AKAP19: variants seen among roughly 807,000 people sequenced by gnomAD.
The protein encoded by AKAP19 is A-kinase anchoring protein 19.
chr2:190,024,380 G>GTATATA, the AKAP19 span, among the ~76,000 whole-genome samples: 20 of 146,068 alleles, frequency 1.4e-4, no homozygotes, highest in Non-Finnish European at 2.4e-4. Context: ...ATATGTGTGT[G>GTATATA]TATATATATA....
At chr2:190,065,306 T>C in the AKAP19 span, among the ~76,000 whole-genome samples, 1 of 151,926 alleles carries the variant, frequency 6.6e-6, no homozygotes, top group Admixed American at 6.6e-5. Context: ...CACTGAGGGG[T>C]AGTTACTGTG....
At chr2:190,096,555 G>A in the AKAP19 span, among the ~76,000 whole-genome samples, 14 of 152,212 alleles carry the variant, frequency 9.2e-5, no homozygotes, top group Non-Finnish European at 2.1e-4. Context: ...GGCCTGGAGA[G>A]CATGGTGCTG....
At chr2:189,886,542 T>G in the AKAP19 span, among the ~76,000 whole-genome samples, 1 of 152,218 alleles carries the variant, frequency 6.6e-6, no homozygotes, top group African/African-American at 2.4e-5. Flanking sequence ...ATTTTGGTCT[T>G]AAGTGAGAAA....
the AKAP19 span, among the ~76,000 whole-genome samples, chr2:190,072,103 T>G: frequency 1.3e-5 from 2 of 152,200 alleles, no homozygotes; most frequent in African/African-American, 4.8e-5. Flanking sequence ...ATCATGTTCT[T>G]TGCTGCAACA....
the AKAP19 span, among the ~76,000 whole-genome samples, chr2:189,899,310 G>C: frequency 6.6e-6 from 1 of 152,162 alleles, no homozygotes; most frequent in South Asian, 2.1e-4. Flanking sequence ...TGTCACTGCT[G>C]TGACTCTTAG....
At chr2:189,902,864 AT>A in the AKAP19 span, among the ~76,000 whole-genome samples, 1 of 151,608 alleles carries the variant, frequency 6.6e-6, no homozygotes, top group Non-Finnish European at 1.5e-5. Context: ...GGTGGCATAT[AT>A]TTTCCTCCCC....
the AKAP19 span, among the ~76,000 whole-genome samples, chr2:189,978,844 A>G: frequency 6.6e-6 from 1 of 152,214 alleles, no homozygotes; most frequent in South Asian, 2.1e-4. Flanking sequence ...AGCCAAAAAA[A>G]ATTACCTTGT....
At chr2:190,094,296 G>C in the AKAP19 span, among the ~76,000 whole-genome samples, 1 of 152,178 alleles carries the variant, frequency 6.6e-6, no homozygotes, top group African/African-American at 2.4e-5. Context: ...CATTCCCCTA[G>C]TGCCTTTAGT....
chr2:190,152,373 C>A, the AKAP19 span, among the ~76,000 whole-genome samples: 1 of 152,116 alleles, frequency 6.6e-6, no homozygotes, highest in African/African-American at 2.4e-5. Flanking sequence ...TTCCCCAACA[C>A]TATTTATTTA....
chr2:189,938,336 C>CAAAAAAAAA, the AKAP19 span, among the ~76,000 whole-genome samples: 1 of 69,014 alleles, frequency 1.4e-5, no homozygotes. Flanking sequence ...ACTCCATCTC[C>CAAAAAAAAA]AAAAAAAAAA....
At chr2:190,127,805 A>T in the AKAP19 span, among the ~76,000 whole-genome samples, 1 of 152,138 alleles carries the variant, frequency 6.6e-6, no homozygotes, top group Non-Finnish European at 1.5e-5. Context: ...AGATGGCCTT[A>T]AACAGTGTTT....
the AKAP19 span, among the ~76,000 whole-genome samples, chr2:189,986,850 T>C: frequency 6.6e-6 from 1 of 152,124 alleles, no homozygotes; most frequent in Admixed American, 6.6e-5. Context: ...AAGAAAATTC[T>C]TTGCAAAGGT....
chr2:190,009,852 C>T, the AKAP19 span, among the ~76,000 whole-genome samples: 1 of 148,252 alleles, frequency 6.7e-6, no homozygotes, highest in Non-Finnish European at 1.5e-5. Flanking sequence ...AGGCCTGAGA[C>T]ATAATGACCA....
the AKAP19 span, among the ~76,000 whole-genome samples, chr2:189,889,007 T>C: frequency 2.0e-5 from 3 of 152,304 alleles, no homozygotes; most frequent in East Asian, 3.9e-4. Context: ...ATCCCTGTCT[T>C]GTGCCAGTTT....
At chr2:190,074,849 A>G in the AKAP19 span, among the ~76,000 whole-genome samples, 4 of 152,298 alleles carry the variant, frequency 2.6e-5, no homozygotes, top group African/African-American at 7.2e-5. Flanking sequence ...ACAATTTTAT[A>G]TTTATCAAAA....
the AKAP19 span, among the ~76,000 whole-genome samples, chr2:189,994,190 T>G: frequency 1.3e-5 from 2 of 152,062 alleles, no homozygotes; most frequent in African/African-American, 4.8e-5. Flanking sequence ...TTTTGTATTT[T>G]TAGTAGAGAC....
At chr2:190,192,550 A>C in the AKAP19 span, among the ~76,000 whole-genome samples, 1 of 151,692 alleles carries the variant, frequency 6.6e-6, no homozygotes, top group Non-Finnish European at 1.5e-5. Flanking sequence ...GACTTTTAGA[A>C]TCCATTTGTC....
the AKAP19 span, among the ~76,000 whole-genome samples, chr2:190,027,007 A>G: frequency 6.6e-6 from 1 of 152,318 alleles, no homozygotes; most frequent in South Asian, 2.1e-4. Flanking sequence ...TAACAAATCC[A>G]TACTTCAATT....
the AKAP19 span, among the ~76,000 whole-genome samples, chr2:190,183,181 T>C: frequency 6.6e-6 from 1 of 152,200 alleles, no homozygotes; most frequent in Non-Finnish European, 1.5e-5. Flanking sequence ...CTTGAGAAAC[T>C]TCAGTATCAA....
Sources: gnomAD v4.1 joint callset for allele counts (sites outside exome capture counted in the v4.1 genomes callset) on GRCh38, gnomAD v4.1.1 for gene constraint, MANE v1.5 for transcripts, NCBI Gene and HGNC (gene_info 2026-07-23, HGNC 2026-07-21) for gene names.